Variants in ZBTB7C observed in about 807,000 individuals in gnomAD.
The protein encoded by ZBTB7C is zinc finger and BTB domain containing 7C.
In ZBTB7C, 8 loss-of-function variants were observed where a neutral mutation model predicts 25.7. The observed-to-expected ratio is 0.31, with a 90% confidence interval of 0.18 to 0.56. The LOEUF (loss-of-function observed/expected upper bound fraction) is 0.56. ZBTB7C is among the 20% of genes least tolerant of loss of function. The pLI is 0.91. For missense variants in ZBTB7C, 824 were observed against 855.2 expected, an observed-to-expected ratio of 0.96 and a Z score of 0.46; for synonymous variants, 394 against 369.0, an observed-to-expected ratio of 1.07 and a Z score of -0.78.
intron 2 of ZBTB7C, among the ~76,000 whole-genome samples, chr18:48,204,180 A>G (rs1003516897): frequency 6.6e-6 from 1 of 151,816 alleles, no homozygotes; most frequent in Admixed American, 6.5e-5. Context: ...GTGGTGGGAG[A>G]TGGATAGAAT....
intron 3 of ZBTB7C, chr18:48,165,392 C>G (rs2041209074): frequency 2.8e-6 from 1 of 353,240 alleles, no homozygotes; most frequent in Non-Finnish European, 5.6e-6. Flanking sequence ...TGCCCATACT[C>G]TATGGCCCAA....
intron 3 of ZBTB7C, among the ~76,000 whole-genome samples, chr18:48,171,614 G>A (rs2041483548): frequency 6.6e-6 from 1 of 152,264 alleles, no homozygotes. Flanking sequence ...AACCCAGACA[G>A]AGGGCTCTCA....
chr18:48,311,233 G>A (rs750672606), intron 2 of ZBTB7C, among the ~76,000 whole-genome samples: 40 of 152,164 alleles, frequency 2.6e-4, no homozygotes, highest in Admixed American at 6.5e-4. Flanking sequence ...CTGCCTGCCC[G>A]TGGTGGGAGC....
chr18:48,210,412 C>CA (rs1324636825), intron 2 of ZBTB7C, among the ~76,000 whole-genome samples: 2 of 152,186 alleles, frequency 1.3e-5, no homozygotes, highest in African/African-American at 2.4e-5. Context: ...AAATGTCCAT[C>CA]AATTGATGAA....
chr18:48,355,521 C>A (rs1477168030), intron 1 of ZBTB7C, among the ~76,000 whole-genome samples: 1 of 152,184 alleles, frequency 6.6e-6, no homozygotes, highest in Admixed American at 6.5e-5. Context: ...TCCTAGGAAC[C>A]CCACTTAGCC....
At chr18:48,167,564 G>GGGTGTGTGTGTGTGTGTT (rs2041296995) in intron 3 of ZBTB7C, among the ~76,000 whole-genome samples, 2 of 26,398 alleles carry the variant, frequency 7.6e-5, no homozygotes, top group African/African-American at 1.8e-4. Context: ...CATTGCTAGG[G>GGGTGTGTGTGTGTGTGTT]TGTGTGTGTG....
At chr18:48,182,341 C>T (rs2041949797) in intron 3 of ZBTB7C, among the ~76,000 whole-genome samples, 1 of 152,132 alleles carries the variant, frequency 6.6e-6, no homozygotes, top group Non-Finnish European at 1.5e-5. Flanking sequence ...ACATATCTGC[C>T]AGGCCTCCAC....
intron 3 of ZBTB7C, among the ~76,000 whole-genome samples, chr18:48,086,646 C>A (rs1257827919): frequency 2.6e-5 from 4 of 152,182 alleles, no homozygotes; most frequent in African/African-American, 7.2e-5. Flanking sequence ...ATCATCTTTC[C>A]TTCTCTGCAG....
chr18:48,225,712 C>G (rs1005912709), intron 2 of ZBTB7C, among the ~76,000 whole-genome samples: 9 of 152,138 alleles, frequency 5.9e-5, no homozygotes, highest in African/African-American at 2.2e-4. Flanking sequence ...TGTCCTCTCC[C>G]TCTTAGAATG....
chr18:48,160,861 C>A (rs2040988834), intron 3 of ZBTB7C, among the ~76,000 whole-genome samples: 1 of 151,938 alleles, frequency 6.6e-6, no homozygotes, highest in African/African-American at 2.4e-5. Context: ...TGAAAGGCCT[C>A]CCCTGTCCCA....
intron 2 of ZBTB7C, among the ~76,000 whole-genome samples, chr18:48,328,462 G>GTTATTATT (rs2046274241): frequency 6.6e-6 from 1 of 152,134 alleles, no homozygotes; most frequent in African/African-American, 2.4e-5. Context: ...ATACAAAGCA[G>GTTATTATT]TTATTATTTT....
intron 2 of ZBTB7C, among the ~76,000 whole-genome samples, chr18:48,217,593 ATC>A (rs2042855793): frequency 6.6e-6 from 1 of 151,850 alleles, no homozygotes; most frequent in African/African-American, 2.4e-5. Context: ...TCACCTCTGG[ATC>A]TCTGTGAAGA....
At chr18:48,162,752 G>A (rs558322139) in intron 3 of ZBTB7C, among the ~76,000 whole-genome samples, 1 of 152,182 alleles carries the variant, frequency 6.6e-6, no homozygotes, top group Non-Finnish European at 1.5e-5. Flanking sequence ...GGCCAATGCT[G>A]GATTCAATGA....
At chr18:48,037,511 G>A (rs1323672151) in intron 4 of ZBTB7C, among the ~76,000 whole-genome samples, 1 of 152,250 alleles carries the variant, frequency 6.6e-6, no homozygotes, top group Non-Finnish European at 1.5e-5. Flanking sequence ...TGTCTGCAGT[G>A]ACTACGCACG....
At chr18:48,290,398 G>T (rs113551370) in intron 2 of ZBTB7C, among the ~76,000 whole-genome samples, 1 of 152,230 alleles carries the variant, frequency 6.6e-6, no homozygotes, top group Non-Finnish European at 1.5e-5. Context: ...GACTCTGTGC[G>T]GGGAGAGGGT....
intron 2 of ZBTB7C, among the ~76,000 whole-genome samples, chr18:48,206,107 A>G (rs2042570487): frequency 6.6e-6 from 1 of 152,228 alleles, no homozygotes; most frequent in South Asian, 2.1e-4. Context: ...TTCCAAAAGT[A>G]TATGGAAATG....
At chr18:48,078,026 C>T (rs911801626) in intron 3 of ZBTB7C, among the ~76,000 whole-genome samples, 2 of 152,152 alleles carry the variant, frequency 1.3e-5, no homozygotes, top group Non-Finnish European at 2.9e-5. Context: ...AAGGAACAAG[C>T]TGCCCCCCAT....
At position 48,136,859 on chromosome 18, in the gene ZBTB7C, C is replaced by T. The variant is rs936722565; in HGVS notation, c.-17+49075G>A. ...CCCCGCGGCCACCCGGCCACAGGGT[C>T]CCCGCAGCGCGTAGCGAGAATGCCC... On this transcript the variant is annotated intron_variant, in intron 3 of 4. Transcript: ENST00000590800. 4 of 740,788 alleles carry T rather than the reference C, an allele frequency of 5.4e-6. No individual in the cohort carries two copies. The South Asian group carries it at 1.8e-4, about 34-fold the overall frequency. 45.9% of individuals were successfully genotyped at this position (740,788 alleles called of 1,614,324 possible).
intron 3 of ZBTB7C, among the ~76,000 whole-genome samples, chr18:48,138,090 T>A (rs2040229695): frequency 6.6e-6 from 1 of 152,254 alleles, no homozygotes; most frequent in South Asian, 2.1e-4. Context: ...CTGTTGATCA[T>A]CTTACCCCGG....
Sources: allele counts gnomAD v4.1 joint callset (sites outside exome capture counted in the v4.1 genomes callset), GRCh38; gene constraint gnomAD v4.1.1; transcripts MANE v1.5; gene names NCBI Gene and HGNC (gene_info 2026-07-23, HGNC 2026-07-21).